KIAA1958: variants seen among roughly 807,000 people sequenced by gnomAD.
The protein encoded by KIAA1958 is uncharacterized protein KIAA1958.
Under a neutral mutation model 47.2 loss-of-function variants are expected in KIAA1958, and 14 were observed. The observed-to-expected ratio is 0.30, with a 90% confidence interval of 0.20 to 0.46. The LOEUF is 0.46. Ranked by LOEUF, KIAA1958 falls within the 20% of genes least tolerant of loss-of-function variation. The probability of loss-of-function intolerance (pLI) is 1.00; values close to 1 mark genes in which losing one functional copy is unlikely to be tolerated. For synonymous variants in KIAA1958, 354 were observed against 353.3 expected, an observed-to-expected ratio of 1.00 and a Z score of -0.02; for missense variants, 803 against 909.2, an observed-to-expected ratio of 0.88 and a Z score of 1.50.
chr9:112,647,039 A>T (rs1836987156), intron 3 of KIAA1958, among the ~76,000 whole-genome samples: 1 of 152,142 alleles, frequency 6.6e-6, no homozygotes, highest in South Asian at 2.1e-4. Context: ...GGTTTGAGTG[A>T]TGTGCTTAGG....
chr9:112,518,439 T>C (rs1052251076), intron 1 of KIAA1958, among the ~76,000 whole-genome samples: 26 of 152,192 alleles, frequency 1.7e-4, no homozygotes, highest in Non-Finnish European at 2.6e-4. Context: ...AAAATACTTA[T>C]GTTGGGTGAA....
At chr9:112,519,120 T>A (rs950147604) in intron 1 of KIAA1958, among the ~76,000 whole-genome samples, 12 of 151,988 alleles carry the variant, frequency 7.9e-5, no homozygotes, top group African/African-American at 1.9e-4. Context: ...TATTATTATT[T>A]TTTTAAGAGA....
At chr9:112,557,306 G>T (rs1234746876) in intron 1 of KIAA1958, among the ~76,000 whole-genome samples, 3 of 152,144 alleles carry the variant, frequency 2.0e-5, no homozygotes, top group African/African-American at 7.2e-5. Flanking sequence ...TGTTCAAGGT[G>T]CTAAAGACAG....
intron 1 of KIAA1958, among the ~76,000 whole-genome samples, chr9:112,494,072 A>G (rs963077685): frequency 2.0e-5 from 3 of 152,232 alleles, no homozygotes; most frequent in Admixed American, 6.5e-5. Flanking sequence ...TTGCTGAGTC[A>G]TATTCTATTC....
At chr9:112,656,595 G>A (rs1186569293) in intron 3 of KIAA1958, among the ~76,000 whole-genome samples, 1 of 151,912 alleles carries the variant, frequency 6.6e-6, no homozygotes, top group Non-Finnish European at 1.5e-5. Flanking sequence ...ATATACTTTG[G>A]GTTTTAATGT....
At chr9:112,572,982 A>G (rs1362730598) in intron 1 of KIAA1958, among the ~76,000 whole-genome samples, 1 of 152,140 alleles carries the variant, frequency 6.6e-6, no homozygotes, top group African/African-American at 2.4e-5. Flanking sequence ...TGTCACCCAC[A>G]GCTGCAGATA....
At chr9:112,505,478 G>A (rs1834218866) in intron 1 of KIAA1958, among the ~76,000 whole-genome samples, 1 of 152,192 alleles carries the variant, frequency 6.6e-6, no homozygotes, top group African/African-American at 2.4e-5. Flanking sequence ...ATCTAGAAGA[G>A]AGTATATTTG....
At chr9:112,547,703 C>T (rs756409207) in intron 1 of KIAA1958, among the ~76,000 whole-genome samples, 1 of 152,204 alleles carries the variant, frequency 6.6e-6, no homozygotes, top group African/African-American at 2.4e-5. Context: ...AATGACCCTG[C>T]GAAGCTGTCT....
At chr9:112,617,215 A>G (rs952436833) in intron 2 of KIAA1958, among the ~76,000 whole-genome samples, 7 of 152,224 alleles carry the variant, frequency 4.6e-5, no homozygotes, top group African/African-American at 9.6e-5. Context: ...CTTTATAGCT[A>G]TGATGTTTTA....
intron 3 of KIAA1958, among the ~76,000 whole-genome samples, chr9:112,653,905 A>G (rs559984614): frequency 1.4e-4 from 21 of 152,212 alleles, no homozygotes; most frequent in Non-Finnish European, 3.1e-4. Flanking sequence ...GTCTTAAAAA[A>G]GACAAAAGCA....
chr9:112,567,936 G>C (rs1835453859), intron 1 of KIAA1958, among the ~76,000 whole-genome samples: 1 of 140,584 alleles, frequency 7.1e-6, no homozygotes, highest in Middle Eastern at 3.9e-3. Flanking sequence ...ATCCAGCCTG[G>C]GCGACAGAGC....
At chr9:112,617,932 G>A (rs61747198) in intron 2 of KIAA1958, 234 of 1,550,520 alleles carry the variant, frequency 1.5e-4, no homozygotes, top group Admixed American at 2.7e-4. Context: ...TCCGGAGCAC[G>A]CAGACCGCGC....
At chr9:112,655,424 A>G (rs1837132703) in intron 3 of KIAA1958, among the ~76,000 whole-genome samples, 1 of 152,146 alleles carries the variant, frequency 6.6e-6, no homozygotes, top group African/African-American at 2.4e-5. Flanking sequence ...TCTATAAAAC[A>G]AAAAAAGAGA....
chr9:112,634,874 C>G (rs1052846157), intron 2 of KIAA1958, among the ~76,000 whole-genome samples: 2 of 152,130 alleles, frequency 1.3e-5, no homozygotes, highest in African/African-American at 4.8e-5. Context: ...GTAATTATCC[C>G]ATGGTCATAA....
At position 112,486,840 on chromosome 9, in the gene KIAA1958, GCCGCGCTCCGAGC is replaced by G; in HGVS notation, c.-301_-289del. On this transcript the variant is annotated 5_prime_UTR_variant, in exon 1 of 4. Transcript: ENST00000337530. ...CCCGCGCCCCGCCCCCTGCCCGCCCGCCGCGCTCCGAGCCGGGCGCGCGGAGCTCGGGGCGCAC... is the reference window on the plus strand; with the variant it reads ...CCCGCGCCCCGCCCCCTGCCCGCCCGCGGGCGCGCGGAGCTCGGGGCGCAC... 1.1e-5 allele frequency: 1 copy of G among 90,344 alleles called. No homozygotes were observed. The highest frequency in any genetic ancestry group is 2.2e-5 in the Non-Finnish European group (1 of 44,642). 5.6% of individuals were successfully genotyped at this position (90,344 alleles called of 1,614,324 possible).
chr9:112,668,592 C>G lies in KIAA1958; in HGVS notation c.*8523C>G, dbSNP rs1007059046. ...ACAGGAGTGTAGAGTATCGTCAGCT[C>G]TGATGCTCAGTTTCTTCCTGGCAAT... On this transcript the variant is annotated 3_prime_UTR_variant, in exon 4 of 4. Coordinates refer to ENST00000337530, the MANE Select transcript of KIAA1958 (RefSeq NM_133465.4). 6.6e-6 allele frequency: 1 copy of G among 152,200 alleles called. No homozygotes were observed. The highest frequency in any genetic ancestry group is 1.5e-5 in the Non-Finnish European group (1 of 68,028). 9.4% of individuals were successfully genotyped at this position (152,200 alleles called of 1,614,324 possible).
chr9:112,518,879 A>G (rs1834487116), intron 1 of KIAA1958, among the ~76,000 whole-genome samples: 1 of 151,758 alleles, frequency 6.6e-6, no homozygotes, highest in South Asian at 2.1e-4. Context: ...AAAAAAAAAA[A>G]GCTAACATTA....
chr9:112,502,525 G>A (rs1473432428), intron 1 of KIAA1958, among the ~76,000 whole-genome samples: 1 of 152,194 alleles, frequency 6.6e-6, no homozygotes, highest in Admixed American at 6.5e-5. Context: ...CCAGCCCTGT[G>A]TAAATGTTCC....
At chr9:112,538,626 C>CAT (rs747396207) in intron 1 of KIAA1958, among the ~76,000 whole-genome samples, 6 of 152,252 alleles carry the variant, frequency 3.9e-5, no homozygotes, top group Admixed American at 2.6e-4. Flanking sequence ...AACCAAATAG[C>CAT]ATCAAGTATC....
Sources: allele counts gnomAD v4.1 joint callset (sites outside exome capture counted in the v4.1 genomes callset), GRCh38; gene constraint gnomAD v4.1.1; transcripts MANE v1.5; gene names NCBI Gene and HGNC (gene_info 2026-07-23, HGNC 2026-07-21).